NRG2: variants seen among roughly 807,000 people sequenced by gnomAD.
NRG2 encodes neuregulin 2, also known as pro-neuregulin-2, membrane-bound isoform.
Under a neutral mutation model 73.9 loss-of-function variants are expected in NRG2, and 27 were observed. The observed-to-expected ratio is 0.37, with a 90% confidence interval of 0.27 to 0.50. The LOEUF is 0.50. Ranked by LOEUF, NRG2 falls within the 20% of genes least tolerant of loss-of-function variation. The pLI, the probability that NRG2 is intolerant of heterozygous loss-of-function variation, is 0.96. For missense variants in NRG2, 1,126 were observed against 1,210.1 expected, an observed-to-expected ratio of 0.93 and a Z score of 1.03; for synonymous variants, 532 against 541.0, an observed-to-expected ratio of 0.98 and a Z score of 0.23.
At position 139,937,646 on chromosome 5, in the gene NRG2, T is replaced by C. The variant is rs575098300; in HGVS notation, c.701-50135A>G. Among the ~76,000 whole-genome samples, 5 of 152,346 alleles carry C rather than the reference T, an allele frequency of 3.3e-5. No individual in the cohort carries two copies. In the South Asian group the frequency reaches 6.2e-4, roughly 19 times the overall value. The stretch of plus-strand genomic sequence containing the variant: ...ATTATATAAAAATCAAATGTATTTC[T>C]GTATATTAACAGTGATTACCCAGGG... On this transcript the variant is annotated intron_variant, in intron 1 of 9. Transcript: ENST00000361474.
intron 1 of NRG2, among the ~76,000 whole-genome samples, chr5:140,020,036 A>C (rs1760100523): frequency 6.6e-6 from 1 of 152,194 alleles, no homozygotes; most frequent in Non-Finnish European, 1.5e-5. Context: ...TACAGGCATG[A>C]GCCACCATGC....
chr5:139,981,410 G>T (rs1039033738), intron 1 of NRG2, among the ~76,000 whole-genome samples: 4 of 152,220 alleles, frequency 2.6e-5, no homozygotes, highest in East Asian at 1.9e-4. Flanking sequence ...CCTGGCCTGG[G>T]TCTCCCTCAT....
intron 3 of NRG2, among the ~76,000 whole-genome samples, chr5:139,876,717 T>C (rs929615713): frequency 1.7e-4 from 26 of 152,048 alleles, no homozygotes; most frequent in Non-Finnish European, 2.9e-4. Flanking sequence ...GGTCGAGTGC[T>C]CCTTTATCCA....
intron 3 of NRG2, among the ~76,000 whole-genome samples, chr5:139,872,187 C>T (rs569680293): frequency 1.4e-4 from 21 of 152,254 alleles, no homozygotes; most frequent in African/African-American, 3.9e-4. Flanking sequence ...CCTGGCTTTC[C>T]GGGGGCTCCC....
At chr5:139,981,192 C>A (rs1369551348) in intron 1 of NRG2, among the ~76,000 whole-genome samples, 2 of 152,214 alleles carry the variant, frequency 1.3e-5, no homozygotes, top group Non-Finnish European at 2.9e-5. Flanking sequence ...AGAGCGATTG[C>A]TCACACCCAG....
In NRG2 at chr5:139,951,083, G is replaced by A. The variant is rs539135176; in HGVS notation, c.701-63572C>T. ...AGGCAGAACTGGGCTTTCAACCTAG[G>A]CCTAGATGACCCCAAGTCTGTGCTT... On this transcript the variant is annotated intron_variant, in intron 1 of 9. Transcript: ENST00000361474. Among the ~76,000 whole-genome samples the A allele has an allele frequency of 1.5e-3, 235 of 152,298 alleles. 1 individual carries two copies. Among genetic ancestry groups the A allele is most frequent in the African/African-American group, 5.5e-3 (229 of 41,562 alleles).
intron 3 of NRG2, among the ~76,000 whole-genome samples, chr5:139,877,017 C>T (rs1763226764): frequency 6.6e-6 from 1 of 151,916 alleles, no homozygotes; most frequent in Admixed American, 6.6e-5. Flanking sequence ...CCAGAGGCCT[C>T]TCCAGGGCTT....
chr5:139,923,669 G>A (rs1044158388), intron 1 of NRG2, among the ~76,000 whole-genome samples: 2 of 152,146 alleles, frequency 1.3e-5, no homozygotes, highest in Admixed American at 6.5e-5. Context: ...CCTCTGGTAC[G>A]TTAACTTGAG....
chr5:139,904,932 C>A lies in NRG2; in HGVS notation c.701-17421G>T, dbSNP rs1765138219. ...CACCCCCGGCCGTACAGGCGGGTTG[C>A]CTGTGCCTCTCATGCCTGCAGGTCT... On this transcript the variant is annotated intron_variant, in intron 1 of 9. Coordinates refer to ENST00000361474, the MANE Select transcript of NRG2 (RefSeq NM_004883.3). The surrounding 1 kb of genome is among the most constrained non-coding windows in gnomAD (Gnocchi z 6.0). 6.6e-6 allele frequency among the ~76,000 whole-genome samples: 1 copy of A among 152,208 alleles called. No individual in the cohort carries two copies. Among genetic ancestry groups the A allele is most frequent in the Non-Finnish European group, 1.5e-5 (1 of 68,024 alleles).
intron 1 of NRG2, among the ~76,000 whole-genome samples, chr5:139,943,583 T>C (rs1753569658): frequency 6.6e-6 from 1 of 152,260 alleles, no homozygotes; most frequent in African/African-American, 2.4e-5. Flanking sequence ...TATTGACATA[T>C]ATTATGCTCT....
chr5:139,853,059 T>G lies in NRG2; in HGVS notation c.1293-32A>C. ...AAGGGAAGGGAAGGTGAGGCTGGCATTCCCCCCACTCGCCAACGATGAACT... is the reference window on the plus strand; with the variant it reads ...AAGGGAAGGGAAGGTGAGGCTGGCAGTCCCCCCACTCGCCAACGATGAACT... On this transcript the variant is annotated intron_variant, in intron 6 of 9. Coordinates refer to ENST00000361474, the MANE Select transcript of NRG2 (RefSeq NM_004883.3). This position sits in a 1 kb window ranked among gnomAD's most constrained non-coding sequence, Gnocchi z 4.1. The G allele has an allele frequency of 4.3e-6, 7 of 1,611,636 alleles. No homozygotes were observed. The highest frequency in any genetic ancestry group is 5.1e-6 in the Non-Finnish European group (6 of 1,179,130).
In NRG2 at chr5:139,854,235, C is replaced by T. The variant is rs560179707; in HGVS notation, c.1293-1208G>A. Among the ~76,000 whole-genome samples the T allele has an allele frequency of 5.3e-5, 8 of 152,374 alleles. No individual in the cohort carries two copies. The East Asian group carries it at 9.7e-4, about 18-fold the overall frequency. On this transcript the variant is annotated intron_variant, in intron 6 of 9. Transcript: ENST00000361474. ...CTATGCCCAGCCCTCTCTGGCCTCC[C>T]GGCCTTTGCGCATGCCAGGCCATTC...
At chr5:139,858,275 C>T (rs180750740) in intron 5 of NRG2, among the ~76,000 whole-genome samples, 46 of 152,326 alleles carry the variant, frequency 3.0e-4, no homozygotes, top group African/African-American at 1.1e-3. Context: ...ACTCCAACCA[C>T]ATGATCTCTA....
chr5:139,970,787 T>C (rs1223511355), intron 1 of NRG2, among the ~76,000 whole-genome samples: 1 of 152,154 alleles, frequency 6.6e-6, no homozygotes, highest in Non-Finnish European at 1.5e-5. Context: ...CCCCAAGTGC[T>C]AAAAATCAGA....
rs1430312274 is a variant in NRG2 at position 139,856,490 on chromosome 5, G to A, written c.1190-712C>T. ...CCCCCATCCTTCTAAAACAGAGAAA[G>A]CCAGGAGGAAGAAAAAGTAAAAGGT... On this transcript the variant is annotated intron_variant, in intron 5 of 9. Transcript: ENST00000361474. This position sits in a 1 kb window ranked among gnomAD's most constrained non-coding sequence, Gnocchi z 4.2. 1 of 152,404 alleles carries A rather than the reference G, an allele frequency of 6.6e-6. No homozygotes were observed. Among genetic ancestry groups the A allele is most frequent in the Non-Finnish European group, 1.5e-5 (1 of 68,170 alleles). 9.4% of individuals were successfully genotyped at this position (152,404 alleles called of 1,614,324 possible). A position where few individuals can be genotyped will look rare whatever the true frequency, so the allele number is the denominator to read the frequency against.
chr5:139,944,379 C>A (rs1454575026), intron 1 of NRG2, among the ~76,000 whole-genome samples: 1 of 152,108 alleles, frequency 6.6e-6, no homozygotes, highest in Non-Finnish European at 1.5e-5. Context: ...AATTTTGTAT[C>A]CTTTTAAAAA....
chr5:139,877,244 G>A (rs1240888899), intron 3 of NRG2, among the ~76,000 whole-genome samples: 3 of 152,232 alleles, frequency 2.0e-5, no homozygotes, highest in African/African-American at 7.2e-5. Flanking sequence ...AGGAAGGCAG[G>A]AGCCTCTTGT....
chr5:139,960,545 C>T (rs1428320741), intron 1 of NRG2, among the ~76,000 whole-genome samples: 2 of 152,124 alleles, frequency 1.3e-5, no homozygotes. Flanking sequence ...ATTATGGCAT[C>T]AGACTTTTGG....
At chr5:140,040,160 G>A (rs572317620) in intron 1 of NRG2, among the ~76,000 whole-genome samples, 23 of 151,836 alleles carry the variant, frequency 1.5e-4, no homozygotes, top group Non-Finnish European at 3.2e-4. Context: ...CTTATATAAG[G>A]CTCCCCAAAA....
Sources: gnomAD v4.1 joint callset for allele counts (sites outside exome capture counted in the v4.1 genomes callset) on GRCh38, gnomAD v4.1.1 for gene constraint, Gnocchi (gnomAD v3.1) non-coding constraint, MANE v1.5 for transcripts, NCBI Gene and HGNC (gene_info 2026-07-23, HGNC 2026-07-21) for gene names.